The following ZMYND11 variants were observed in gnomAD, a reference collection of about 807,000 sequenced individuals.
ZMYND11 encodes zinc finger MYND-type containing 11, also known as zinc finger MYND domain-containing protein 11.
ZMYND11 carries 9 observed loss-of-function variants against 84.9 expected under a neutral mutation model. The observed-to-expected ratio is 0.11, with a 90% CI of 0.06 to 0.18. The LOEUF (loss-of-function observed/expected upper bound fraction) is 0.18. ZMYND11 is among the 10% of genes least tolerant of loss of function. ZMYND11 has a pLI of 1.00. For synonymous variants in ZMYND11, 250 were observed against 244.1 expected, an observed-to-expected ratio of 1.02 and a Z score of -0.23; for missense variants, 409 against 761.0, an observed-to-expected ratio of 0.54 and a Z score of 5.44.
intron 1 of ZMYND11, among the ~76,000 whole-genome samples, chr10:167,598 C>G (rs1844307463): frequency 6.6e-6 from 1 of 152,052 alleles, no homozygotes; most frequent in East Asian, 1.9e-4. Context: ...TTGATCCAAA[C>G]AAACAAAAAG....
chr10:134,632 A>C (rs1391492000), upstream of ZMYND11: 1 of 152,236 alleles, frequency 6.6e-6, no homozygotes, highest in Non-Finnish European at 1.5e-5. Context: ...AATGTTGTTA[A>C]GAGAAGCACT....
At chr10:249,367 C>T in intron 14 of ZMYND11, 1 of 1,167,816 alleles carries the variant, frequency 8.6e-7, no homozygotes, top group Non-Finnish European at 1.1e-6. Flanking sequence ...ATTTCTCCAT[C>T]TATGCATATA....
At chr10:142,436 A>G (rs1250611895) in intron 1 of ZMYND11, among the ~76,000 whole-genome samples, 1 of 152,146 alleles carries the variant, frequency 6.6e-6, no homozygotes, top group East Asian at 1.9e-4. Context: ...CATACTAGGC[A>G]ATTCGCATAT....
At chr10:209,211 T>C (rs1443102427) in intron 2 of ZMYND11, among the ~76,000 whole-genome samples, 1 of 152,164 alleles carries the variant, frequency 6.6e-6, no homozygotes, top group African/African-American at 2.4e-5. Flanking sequence ...TACAAGGGAA[T>C]CTGCAATGTT....
intron 2 of ZMYND11, among the ~76,000 whole-genome samples, chr10:197,365 T>C (rs1259478339): frequency 6.6e-6 from 1 of 152,088 alleles, no homozygotes; most frequent in East Asian, 1.9e-4. Context: ...TTCAAAAATA[T>C]TTTGGGGACA....
chr10:175,589 T>C (rs929642136), intron 1 of ZMYND11, among the ~76,000 whole-genome samples: 3 of 151,990 alleles, frequency 2.0e-5, no homozygotes, highest in Admixed American at 2.0e-4. Context: ...AAAACAAAAA[T>C]AAAAAACTAC....
intron 2 of ZMYND11, among the ~76,000 whole-genome samples, chr10:194,039 C>T (rs546735689): frequency 1.8e-4 from 28 of 152,150 alleles, no homozygotes; most frequent in African/African-American, 6.3e-4. Context: ...GGATGGAGTG[C>T]AATAGTACAA....
Position 253,242 on chromosome 10 carries a change from A to G in ZMYND11, c.*772A>G, listed in dbSNP as rs1953836378. 2 of 152,588 alleles carry G rather than the reference A, an allele frequency of 1.3e-5. No individual in the cohort carries two copies. Among genetic ancestry groups the G allele is most frequent in the Admixed American group, 1.3e-4 (2 of 15,286 alleles). The allele number at this position is 152,588 out of a possible 1,614,324, so 9.5% of individuals were successfully genotyped here. On this transcript the variant is annotated 3_prime_UTR_variant, in exon 15 of 15. Coordinates refer to ENST00000381604, the MANE Select transcript of ZMYND11 (RefSeq NM_001370100.5). ...CATGAGTGCTTGTAACAAAATAAAC[A>G]ACAAAAACAAAGCCAAAAACTACCT... is the stretch of plus-strand genomic sequence containing the variant.
intron 10 of ZMYND11, chr10:244,704 GATTAGACTATTCCTCTTGTT>G: frequency 6.6e-6 from 1 of 152,266 alleles, no homozygotes; most frequent in Non-Finnish European, 1.5e-5. Context: ...CATAGAGCCA[GATTAGACTATTCCTCTTGTT>G]ATTAGACTTA....
chr10:248,820 AGTTGT>A (rs1952747971), intron 13 of ZMYND11, 78 bp from the exon 14 acceptor site: 8 of 1,498,010 alleles, frequency 5.3e-6, no homozygotes, highest in Admixed American at 2.3e-5. Flanking sequence ...ACCTCATGCA[AGTTGT>A]GTTAAGTTTC....
chr10:158,412 C>CTTTTTTTTTTTTTTTTTTTTT (rs372896551), intron 1 of ZMYND11, among the ~76,000 whole-genome samples: 1 of 142,482 alleles, frequency 7.0e-6, no homozygotes, highest in African/African-American at 2.6e-5. Flanking sequence ...TTGTCTTTTC[C>CTTTTTTTTTTTTTTTTTTTTT]TTTTTTTTTT....
At chr10:138,753 G>GAA (rs71505864) in intron 1 of ZMYND11, among the ~76,000 whole-genome samples, 43 of 144,830 alleles carry the variant, frequency 3.0e-4, no homozygotes, top group Non-Finnish European at 4.1e-4. Context: ...ATGTATCTTG[G>GAA]AAAAAAAAAA....
intron 2 of ZMYND11, among the ~76,000 whole-genome samples, chr10:193,749 C>T (rs993004910): frequency 3.3e-5 from 5 of 152,182 alleles, no homozygotes; most frequent in Non-Finnish European, 7.4e-5. Context: ...CTGCCTTCTG[C>T]TCCCTTCCAT....
chr10:147,116 A>T (rs1232368389), intron 1 of ZMYND11, among the ~76,000 whole-genome samples: 2 of 152,240 alleles, frequency 1.3e-5, no homozygotes, highest in Non-Finnish European at 2.9e-5. Flanking sequence ...ATGAGACTTT[A>T]CTGAATTCAT....
chr10:219,171 TATCTTCATTTA>T (rs1438620854), intron 3 of ZMYND11, among the ~76,000 whole-genome samples: 2 of 152,242 alleles, frequency 1.3e-5, no homozygotes, highest in Non-Finnish European at 2.9e-5. Flanking sequence ...GATCCATTTT[TATCTTCATTTA>T]ATGGGTGGAT....
At position 147,003 on chromosome 10, in the gene ZMYND11, C is replaced by T. The variant is rs550544059; in HGVS notation, c.-20+11444C>T. ...TCTTTCTTTATAAATTACCCAGTCTCGAGTATGTCTTTCTTAGCAGTGTGA... is the reference window on the plus strand; with the variant it reads ...TCTTTCTTTATAAATTACCCAGTCTTGAGTATGTCTTTCTTAGCAGTGTGA... On this transcript the variant is annotated intron_variant, in intron 1 of 14. Coordinates refer to ENST00000381604, the MANE Select transcript of ZMYND11 (RefSeq NM_001370100.5). Among the ~76,000 whole-genome samples the T allele has an allele frequency of 2.6e-5, 4 of 152,332 alleles. No homozygotes were observed. The East Asian group carries it at 5.8e-4, about 22-fold the overall frequency.
At chr10:202,242 T>C (rs1398136835) in intron 2 of ZMYND11, among the ~76,000 whole-genome samples, 1 of 152,210 alleles carries the variant, frequency 6.6e-6, no homozygotes, top group Non-Finnish European at 1.5e-5. Flanking sequence ...CTCTAGTTAC[T>C]TAATATTTAC....
intron 1 of ZMYND11, among the ~76,000 whole-genome samples, chr10:158,991 G>GTTTTTTTTTT (rs71374342): frequency 3.4e-5 from 2 of 58,606 alleles, no homozygotes; most frequent in African/African-American, 5.6e-5. Flanking sequence ...TTTGTTTTTT[G>GTTTTTTTTTT]TTTTTTTTTT....
intron 2 of ZMYND11, among the ~76,000 whole-genome samples, chr10:189,938 G>C (rs1939883016): frequency 6.6e-6 from 1 of 152,150 alleles, no homozygotes; most frequent in South Asian, 2.1e-4. Context: ...ACAAGGCAGA[G>C]AGGCGAGTCA....
Sources: allele counts gnomAD v4.1 joint callset (sites outside exome capture counted in the v4.1 genomes callset), GRCh38; gene constraint gnomAD v4.1.1; transcripts MANE v1.5; gene names NCBI Gene and HGNC (gene_info 2026-07-23, HGNC 2026-07-21).